SLC5A5: variants seen among roughly 807,000 people sequenced by gnomAD.
SLC5A5 encodes the protein sodium/iodide cotransporter.
Under a neutral mutation model 68.6 loss-of-function variants are expected in SLC5A5, and 56 were observed. The ratio of observed to expected loss-of-function variants is 0.82; its 90% CI spans 0.66 to 1.02. The LOEUF (loss-of-function observed/expected upper bound fraction) is 1.02. Among genes scored for constraint, SLC5A5 ranks in the 50% least tolerant of loss-of-function variants. SLC5A5 has a pLI of 0.00. For missense variants in SLC5A5, 807 were observed against 859.8 expected (o/e 0.94, Z 0.77); for synonymous variants, 398 against 373.0 (o/e 1.07, Z -0.77).
At chr19:17,892,695 A>AGAGAGAGAGAGAGAGAGAGC (rs528009112) in intron 14 of SLC5A5, among the ~76,000 whole-genome samples, 4 of 148,600 alleles carry the variant, frequency 2.7e-5, no homozygotes, top group East Asian at 2.2e-4. Context: ...AGAGAGAGAG[A>AGAGAGAGAGAGAGAGAGAGC]GAGCAAGCTA....
intron 10 of SLC5A5, among the ~76,000 whole-genome samples, chr19:17,883,461 T>G (rs554820163): frequency 1.4e-5 from 2 of 146,232 alleles, no homozygotes; most frequent in Admixed American, 1.4e-4. Flanking sequence ...AGGGTGGGAC[T>G]GCCACCCCCA....
intron 10 of SLC5A5, 61 bp downstream of exon 10, chr19:17,882,280 T>C (rs2094322478): frequency 2.2e-6 from 3 of 1,364,106 alleles, no homozygotes. Flanking sequence ...TTTCCCTCTT[T>C]CCCATTAAAC....
At chr19:17,891,508 A>G (rs2030170475) in intron 14 of SLC5A5, among the ~76,000 whole-genome samples, 1 of 152,082 alleles carries the variant, frequency 6.6e-6, no homozygotes, top group Admixed American at 6.6e-5. Flanking sequence ...GCCCAGCCTC[A>G]TCTTCAAGTT....
chr19:17,872,190 C>T lies in SLC5A5; in HGVS notation c.-130C>T. On this transcript the variant is annotated 5_prime_UTR_variant, in exon 1 of 15. It adds an upstream start codon to the 5' untranslated region. Transcript: ENST00000222248. Reference sequence around the variant, plus strand: ...CCCTCTCGCCGCTTCCCACCCCAGACGGAGCGGGGACAGGCTGCCGAGCAT... The same window carrying T: ...CCCTCTCGCCGCTTCCCACCCCAGATGGAGCGGGGACAGGCTGCCGAGCAT... 1 of 682,926 alleles carries T rather than the reference C, an allele frequency of 1.5e-6. No homozygotes were observed. Among genetic ancestry groups the T allele is most frequent in the South Asian group, 1.8e-5 (1 of 54,356 alleles). The allele number at this position is 682,926 out of a possible 1,614,324, so 42.3% of individuals were successfully genotyped here. A position where few individuals can be genotyped will look rare whatever the true frequency, so the allele number is the denominator to read the frequency against.
chr19:17,884,793 G>A (rs1389625515), intron 12 of SLC5A5, among the ~76,000 whole-genome samples: 2 of 151,550 alleles, frequency 1.3e-5, no homozygotes, highest in South Asian at 4.2e-4. Context: ...AATTAAAGTG[G>A]CATTTAGTAT....
chr19:17,886,584 A>G (rs1179488334), intron 12 of SLC5A5, among the ~76,000 whole-genome samples: 3 of 152,174 alleles, frequency 2.0e-5, no homozygotes, highest in African/African-American at 7.2e-5. Flanking sequence ...TTAGGATTAC[A>G]GGCCTGAGCC....
At chr19:17,881,188 CCT>C (rs1313298144) in intron 8 of SLC5A5, among the ~76,000 whole-genome samples, 1 of 151,994 alleles carries the variant, frequency 6.6e-6, no homozygotes, top group African/African-American at 2.4e-5. Flanking sequence ...GCCTGACTCT[CCT>C]CTCTTCTTCT....
chr19:17,881,030 G>T, intron 8 of SLC5A5, 77 bp downstream of exon 8: 1 of 1,088,626 alleles, frequency 9.2e-7, no homozygotes, highest in Non-Finnish European at 1.4e-6. Context: ...CATCCCTCTG[G>T]GGCATGGAAT....
intron 14 of SLC5A5, among the ~76,000 whole-genome samples, chr19:17,891,425 C>T (rs934663348): frequency 6.6e-6 from 1 of 152,066 alleles, no homozygotes; most frequent in Admixed American, 6.6e-5. Flanking sequence ...AGGCTGGTCT[C>T]GAACTCCTGA....
chr19:17,880,424 A>G (rs1385096751), intron 7 of SLC5A5, among the ~76,000 whole-genome samples: 1 of 152,182 alleles, frequency 6.6e-6, no homozygotes, highest in African/African-American at 2.4e-5. Flanking sequence ...CATGTTGGCC[A>G]GGCTGGTCTT....
chr19:17,891,793 C>T (rs2030181020), intron 14 of SLC5A5, among the ~76,000 whole-genome samples: 1 of 152,106 alleles, frequency 6.6e-6, no homozygotes, highest in African/African-American at 2.4e-5. Context: ...AAATGCTGTC[C>T]CTGGGGGACC....
At chr19:17,872,887 G>A (rs2094297832) in intron 1 of SLC5A5, among the ~76,000 whole-genome samples, 1 of 152,216 alleles carries the variant, frequency 6.6e-6, no homozygotes, top group Admixed American at 6.5e-5. Flanking sequence ...GGAAGAGAGA[G>A]CCTGGCGTCC....
At chr19:17,888,978 G>GTGTA in intron 13 of SLC5A5, among the ~76,000 whole-genome samples, 1 of 150,812 alleles carries the variant, frequency 6.6e-6, no homozygotes, top group Admixed American at 6.6e-5. Context: ...AAGTGTGTGT[G>GTGTA]TATATATACA....
intron 12 of SLC5A5, among the ~76,000 whole-genome samples, chr19:17,888,098 G>T (rs1686511220): frequency 6.6e-6 from 1 of 152,132 alleles, no homozygotes; most frequent in African/African-American, 2.4e-5. Flanking sequence ...GGTGATCTGA[G>T]TTACATTTTA....
Position 17,888,467 on chromosome 19 carries a change from G to A in SLC5A5, c.1651+12G>A, listed in dbSNP as rs377035886. ...CAGCTGCCTGACAGGTAGGTAAACAGAGCATGTGGCCTCAGAGGTCATCCC... is the reference window on the plus strand; with the variant it reads ...CAGCTGCCTGACAGGTAGGTAAACAAAGCATGTGGCCTCAGAGGTCATCCC... On this transcript the variant is annotated intron_variant, in intron 13 of 14. Transcript: ENST00000222248. 2 of 1,613,364 alleles carry A rather than the reference G, an allele frequency of 1.2e-6. No homozygotes were observed. The highest frequency in any genetic ancestry group is 1.7e-5 in the Admixed American group (1 of 59,972).
chr19:17,872,736 G>T (rs552272640), intron 1 of SLC5A5, 60 bp downstream of exon 1: 10 of 1,118,064 alleles, frequency 8.9e-6, no homozygotes, highest in South Asian at 3.7e-5. Context: ...GACCCCGTGT[G>T]GGGGAGGCGC....
intron 13 of SLC5A5, among the ~76,000 whole-genome samples, chr19:17,889,754 A>AGATT (rs1343073900): frequency 6.6e-6 from 1 of 151,990 alleles, no homozygotes; most frequent in Non-Finnish European, 1.5e-5. Context: ...CTCCCCAACA[A>AGATT]GATTAAGTCC....
intron 7 of SLC5A5, among the ~76,000 whole-genome samples, chr19:17,880,144 A>G (rs995052703): frequency 6.6e-6 from 1 of 150,688 alleles, no homozygotes. Context: ...CAGGTGATCC[A>G]CCTGCCTCAG....
Position 17,874,846 on chromosome 19 carries a change from C to T in SLC5A5, c.543+115C>T, listed in dbSNP as rs1014773858. 11 of 925,468 alleles carry T rather than the reference C, an allele frequency of 1.2e-5. No individual in the cohort carries two copies. In the African/African-American group the frequency reaches 1.6e-4, roughly 14 times the overall value. 57.3% of individuals were successfully genotyped at this position (925,468 alleles called of 1,614,324 possible). ...GGAAGCCTCTGTCCCAGCTGGGACCCAGTGTCCTCATCTTTATAGTGAAAA... is the reference window on the plus strand; with the variant it reads ...GGAAGCCTCTGTCCCAGCTGGGACCTAGTGTCCTCATCTTTATAGTGAAAA... On this transcript the variant is annotated intron_variant, in intron 4 of 14. Transcript: ENST00000222248.
Sources: gnomAD v4.1 joint callset for allele counts (sites outside exome capture counted in the v4.1 genomes callset) on GRCh38, gnomAD v4.1.1 for gene constraint, MANE v1.5 for transcripts, NCBI Gene and HGNC (gene_info 2026-07-23, HGNC 2026-07-21) for gene names.